Variants in DDX10 observed in about 807,000 individuals in gnomAD.
DDX10 encodes DEAD-box helicase 10.
In DDX10, 74 loss-of-function variants were observed where a neutral mutation model predicts 104.3. That is an observed-to-expected ratio of 0.71 (90% confidence interval 0.59 to 0.86). The LOEUF is 0.86. DDX10 is among the 40% of genes least tolerant of loss of function. The pLI is 0.00. For synonymous variants in DDX10, 351 were observed against 353.4 expected, an observed-to-expected ratio of 0.99 and a Z score of 0.08; for missense variants, 952 against 1,040.0, an observed-to-expected ratio of 0.92 and a Z score of 1.16.
intron 13 of DDX10, among the ~76,000 whole-genome samples, chr11:108,750,728 C>CAT (rs1482782983): frequency 2.0e-5 from 3 of 150,836 alleles, no homozygotes; most frequent in Non-Finnish European, 4.4e-5. Context: ...ATATGAATTT[C>CAT]ATATATATTT....
At chr11:108,781,075 A>G (rs2094377505) in intron 13 of DDX10, among the ~76,000 whole-genome samples, 1 of 152,024 alleles carries the variant, frequency 6.6e-6, no homozygotes, top group Non-Finnish European at 1.5e-5. Context: ...TCCCCTTTCT[A>G]GTAGTCTGCA....
intron 13 of DDX10, among the ~76,000 whole-genome samples, chr11:108,825,903 C>T (rs901804167): frequency 1.3e-5 from 2 of 152,076 alleles, no homozygotes; most frequent in Non-Finnish European, 2.9e-5. Flanking sequence ...AGTCATCTGT[C>T]GGACTTTGGA....
chr11:108,818,572 C>T (rs2134575041), intron 13 of DDX10, among the ~76,000 whole-genome samples: 1 of 152,216 alleles, frequency 6.6e-6, no homozygotes, highest in African/African-American at 2.4e-5. Flanking sequence ...TGAATGTATT[C>T]AAAATTAGTT....
chr11:108,906,819 G>A (rs1202471025), intron 16 of DDX10, among the ~76,000 whole-genome samples: 6 of 152,296 alleles, frequency 3.9e-5, no homozygotes, highest in Non-Finnish European at 7.4e-5. Flanking sequence ...TATTAAGAAA[G>A]CAAGTGAGTA....
At chr11:108,749,086 C>CTA (rs1273629856) in intron 13 of DDX10, among the ~76,000 whole-genome samples, 35 of 150,876 alleles carry the variant, frequency 2.3e-4, no homozygotes, top group African/African-American at 8.0e-4. Context: ...CTCTCTCTCT[C>CTA]TATATATATA....
At chr11:108,907,418 C>A (rs930332709) in intron 16 of DDX10, among the ~76,000 whole-genome samples, 3 of 151,654 alleles carry the variant, frequency 2.0e-5, no homozygotes, top group Admixed American at 1.3e-4. Context: ...TCACTGCAAC[C>A]TCCACCTCTC....
At chr11:108,874,125 C>A (rs1346538009) in intron 16 of DDX10, among the ~76,000 whole-genome samples, 1 of 152,052 alleles carries the variant, frequency 6.6e-6, no homozygotes, top group African/African-American at 2.4e-5. Context: ...GTTTTACAGC[C>A]ACAGGATATG....
Position 108,940,381 on chromosome 11 carries a change from G to C in DDX10, c.2586G>C (p.Glu862Asp). The C allele has an allele frequency of 6.2e-7, 1 of 1,613,984 alleles. No homozygotes were observed. Among genetic ancestry groups the C allele is most frequent in the Non-Finnish European group, 8.5e-7 (1 of 1,179,988 alleles). Reference sequence around the variant, plus strand: ...TGGATACCGGCCTGTCTTTAGCAGAGGATGAAGAGCTGGTGTTACATCTGC... The same window carrying C: ...TGGATACCGGCCTGTCTTTAGCAGACGATGAAGAGCTGGTGTTACATCTGC... ...EPLDTGLSLA[E>D]DEELVLHLLR... The change falls in exon 18 of 18, where the codon GAG becomes GAC. Residue 862 changes from glutamate to aspartate, a missense_variant. By Grantham distance (45) the Glu-to-Asp change is conservative. Around this residue, in one of 3 missense-constraint regions of DDX10, gnomAD observed 533 missense variants for 534.1 expected, o/e 1.00. Transcript: ENST00000322536.
At chr11:108,774,951 C>T (rs765394394) in intron 13 of DDX10, among the ~76,000 whole-genome samples, 1 of 152,084 alleles carries the variant, frequency 6.6e-6, no homozygotes, top group Non-Finnish European at 1.5e-5. Context: ...ACTGGGTGGC[C>T]GGCAGCATAT....
intron 13 of DDX10, among the ~76,000 whole-genome samples, chr11:108,828,476 A>G (rs1307770806): frequency 5.9e-5 from 9 of 152,080 alleles, no homozygotes; most frequent in Non-Finnish European, 1.3e-4. Flanking sequence ...TGTGAATGCC[A>G]TTATTTCATT....
chr11:108,741,123 G>A (rs2094324713), intron 13 of DDX10, among the ~76,000 whole-genome samples: 1 of 152,044 alleles, frequency 6.6e-6, no homozygotes, highest in African/African-American at 2.4e-5. Context: ...TAGGTGTGTG[G>A]CCTTATTTTT....
chr11:108,805,126 G>A (rs572259101), intron 13 of DDX10, among the ~76,000 whole-genome samples: 1 of 152,316 alleles, frequency 6.6e-6, no homozygotes, highest in South Asian at 2.1e-4. Flanking sequence ...AACCTCAAGT[G>A]ATTACAAATG....
chr11:108,854,687 ACAT>A (rs2134607921), intron 16 of DDX10, among the ~76,000 whole-genome samples: 1 of 152,170 alleles, frequency 6.6e-6, no homozygotes, highest in African/African-American at 2.4e-5. Context: ...CATGCAGCAA[ACAT>A]CATTTTATTA....
chr11:108,673,198 TGGAG>T (rs1403038050), intron 1 of DDX10, among the ~76,000 whole-genome samples: 89 of 152,324 alleles, frequency 5.8e-4, no homozygotes, highest in Admixed American at 5.8e-3. Flanking sequence ...TTCAACATTT[TGGAG>T]GTCAGATAGT....
intron 17 of DDX10, among the ~76,000 whole-genome samples, chr11:108,926,800 C>T (rs535868303): frequency 6.6e-6 from 1 of 152,226 alleles, no homozygotes; most frequent in South Asian, 2.1e-4. Context: ...ATTTGAATAC[C>T]AAAGTGCCAG....
chr11:108,709,222 G>T (rs890390989), intron 10 of DDX10, among the ~76,000 whole-genome samples: 1 of 152,126 alleles, frequency 6.6e-6, no homozygotes, highest in East Asian at 1.9e-4. Context: ...TTAGCAGTAG[G>T]TTTTTTGTAT....
At chr11:108,688,329 A>G (rs1426081079) in intron 6 of DDX10, among the ~76,000 whole-genome samples, 1 of 152,190 alleles carries the variant, frequency 6.6e-6, no homozygotes. Flanking sequence ...TTCTACCATA[A>G]ATACCTTATA....
intron 6 of DDX10, among the ~76,000 whole-genome samples, chr11:108,681,301 A>G (rs188051205): frequency 3.3e-5 from 5 of 152,248 alleles, no homozygotes. Flanking sequence ...GATTTTTGAA[A>G]CCCGGTCCCA....
At chr11:108,822,347 C>A in intron 13 of DDX10, 2 of 361,944 alleles carry the variant, frequency 5.5e-6, no homozygotes, top group East Asian at 7.8e-5. Flanking sequence ...TGATGAGTAG[C>A]GTTTTTGAGA....
Sources: allele counts gnomAD v4.1 joint callset (sites outside exome capture counted in the v4.1 genomes callset), GRCh38; gene constraint gnomAD v4.1.1; regional missense constraint gnomAD v4.1.1; transcripts MANE v1.5; gene names NCBI Gene and HGNC (gene_info 2026-07-23, HGNC 2026-07-21).